Variants in DCAF12 observed in about 807,000 individuals in gnomAD.
DCAF12 encodes the protein DDB1 and CUL4 associated factor 12.
Under a neutral mutation model 52.8 loss-of-function variants are expected in DCAF12, and 28 were observed. That is an observed-to-expected ratio of 0.53 (90% confidence interval 0.39 to 0.73). The LOEUF (loss-of-function observed/expected upper bound fraction) is 0.73, where lower values mean the gene tolerates loss of function less well. Among genes scored for constraint, DCAF12 ranks in the 30% least tolerant of loss-of-function variants. DCAF12 has a pLI of 0.00. For missense variants in DCAF12, 425 were observed against 552.2 expected (o/e 0.77, Z 2.31); for synonymous variants, 196 against 215.5 (o/e 0.91, Z 0.79).
intron 2 of DCAF12, among the ~76,000 whole-genome samples, chr9:34,121,925 T>C (rs192071392): frequency 2.6e-5 from 4 of 152,162 alleles, no homozygotes; most frequent in East Asian, 3.9e-4. Flanking sequence ...CCTGGTGACA[T>C]AGCGAGACTC....
At chr9:34,115,679 T>C (rs950896198) in intron 2 of DCAF12, among the ~76,000 whole-genome samples, 2 of 151,904 alleles carry the variant, frequency 1.3e-5, no homozygotes, top group African/African-American at 4.8e-5. Context: ...ATATAGCTTG[T>C]AATACCAATT....
rs567405960 is a variant in DCAF12 at position 34,113,884 on chromosome 9, G to T, written c.334-6319C>A. ...AGCACTTTGGGAGGCCAAGGCAGGC[G>T]GATCATGAGGTTAGGAGATCGAGAC... On this transcript the variant is annotated intron_variant, in intron 2 of 8. Coordinates refer to ENST00000361264, the MANE Select transcript of DCAF12 (RefSeq NM_015397.4). Among the ~76,000 whole-genome samples the T allele has an allele frequency of 1.5e-3, 233 of 151,308 alleles. 2 individuals are homozygous for T. The highest frequency in any genetic ancestry group is 0.014 in the South Asian group (69 of 4,768).
chr9:34,089,282 C>T, intron 8 of DCAF12, 130 bp downstream of exon 8: 1 of 1,082,826 alleles, frequency 9.2e-7, no homozygotes, highest in Non-Finnish European at 1.3e-6. Flanking sequence ...GAAGTCTTTT[C>T]CTGTTCCAAT....
At chr9:34,122,817 G>C (rs115748306) in intron 2 of DCAF12, among the ~76,000 whole-genome samples, 1 of 152,144 alleles carries the variant, frequency 6.6e-6, no homozygotes, top group Non-Finnish European at 1.5e-5. Context: ...ATTCCTACAC[G>C]GCAACAGTTG....
chr9:34,094,131 G>C (rs899236876), intron 6 of DCAF12, among the ~76,000 whole-genome samples: 12 of 152,248 alleles, frequency 7.9e-5, no homozygotes, highest in African/African-American at 2.6e-4. Flanking sequence ...AAAGCTGGGC[G>C]TGGTGGCTAA....
At chr9:34,115,280 T>C (rs1419068301) in intron 2 of DCAF12, among the ~76,000 whole-genome samples, 2 of 150,882 alleles carry the variant, frequency 1.3e-5, no homozygotes, top group African/African-American at 4.9e-5. Context: ...GGACAGACAA[T>C]ATGTATCAAA....
chr9:34,119,760 G>A (rs747377395), intron 2 of DCAF12, among the ~76,000 whole-genome samples: 55 of 148,802 alleles, frequency 3.7e-4, no homozygotes, highest in Non-Finnish European at 6.7e-4. Flanking sequence ...AGAGTGCAGT[G>A]GTGTAATCCC....
chr9:34,106,208 T>C (rs1437121426), intron 4 of DCAF12, among the ~76,000 whole-genome samples: 1 of 152,106 alleles, frequency 6.6e-6, no homozygotes, highest in Non-Finnish European at 1.5e-5. Context: ...TCCTCCTGCC[T>C]CAACCTTCTG....
At chr9:34,108,985 TA>T (rs1218274225) in intron 2 of DCAF12, among the ~76,000 whole-genome samples, 3 of 8,282 alleles carry the variant, frequency 3.6e-4, no homozygotes, top group Non-Finnish European at 5.6e-4. Context: ...TATATGTTTT[TA>T]TATATATATA....
At chr9:34,125,904 G>A (rs1829242578) in intron 1 of DCAF12, among the ~76,000 whole-genome samples, 2 of 152,178 alleles carry the variant, frequency 1.3e-5, no homozygotes, top group African/African-American at 2.4e-5. Flanking sequence ...GTTTCTTTTG[G>A]GGTCCAAACG....
intron 8 of DCAF12, among the ~76,000 whole-genome samples, chr9:34,088,996 C>A (rs1412756947): frequency 6.6e-6 from 1 of 151,286 alleles, no homozygotes; most frequent in Non-Finnish European, 1.5e-5. Context: ...GTGGTCCCAG[C>A]TACTTGGGAG....
chr9:34,121,742 A>C (rs562161204), intron 2 of DCAF12, among the ~76,000 whole-genome samples: 3 of 152,258 alleles, frequency 2.0e-5, no homozygotes, highest in Admixed American at 2.0e-4. Context: ...CAGAAGATCG[A>C]GACCATCCTG....
chr9:34,125,634 C>T (rs1328463506), intron 1 of DCAF12: 5 of 475,070 alleles, frequency 1.1e-5, no homozygotes, highest in African/African-American at 4.0e-5. Context: ...ACCCAGCCCC[C>T]TTCTCCCTCT....
rs571563628 is a variant in DCAF12, at chr9:34,092,876, G to A, written c.1024+410C>T. On this transcript the variant is annotated intron_variant, in intron 7 of 8. Coordinates refer to ENST00000361264, the MANE Select transcript of DCAF12 (RefSeq NM_015397.4). Reference sequence around the variant, plus strand: ...CCCTTTTTTTTTGAGACAGAATTTCGCGCTCATTGCCCAGGCTGGAGTGCA... The same window carrying A: ...CCCTTTTTTTTTGAGACAGAATTTCACGCTCATTGCCCAGGCTGGAGTGCA... 2.4e-3 allele frequency among the ~76,000 whole-genome samples: 362 copies of A among 151,628 alleles called. 2 individuals are homozygous for A. The highest frequency in any genetic ancestry group is 1.8e-3 in the East Asian group (9 of 5,116).
intron 4 of DCAF12, among the ~76,000 whole-genome samples, chr9:34,100,142 C>G (rs1828803553): frequency 6.6e-6 from 1 of 151,834 alleles, no homozygotes; most frequent in Admixed American, 6.6e-5. Flanking sequence ...CTAAGTGATC[C>G]TCCTGCCTCA....
At chr9:34,096,659 G>C in intron 6 of DCAF12, 57 bp downstream of exon 6, 8 of 1,445,774 alleles carry the variant, frequency 5.5e-6, no homozygotes, top group Non-Finnish European at 6.7e-6. Flanking sequence ...TAGAATTACA[G>C]TATTTTAACT....
At chr9:34,097,356 A>G (rs997609168) in intron 5 of DCAF12, among the ~76,000 whole-genome samples, 10 of 139,618 alleles carry the variant, frequency 7.2e-5, no homozygotes, top group African/African-American at 2.7e-4. Flanking sequence ...TCCACCTCCT[A>G]TAGTTTTCCT....
At chr9:34,105,909 C>T (rs987567989) in intron 4 of DCAF12, among the ~76,000 whole-genome samples, 1 of 151,868 alleles carries the variant, frequency 6.6e-6, no homozygotes, top group Non-Finnish European at 1.5e-5. Context: ...CGACCACACT[C>T]AGCTAATTTT....
At chr9:34,114,653 A>G (rs1311298104) in intron 2 of DCAF12, among the ~76,000 whole-genome samples, 1 of 152,148 alleles carries the variant, frequency 6.6e-6, no homozygotes, top group Non-Finnish European at 1.5e-5. Flanking sequence ...GCCAGAAACT[A>G]GCAGCGCGGC....
Sources: gnomAD v4.1 joint callset for allele counts (sites outside exome capture counted in the v4.1 genomes callset) on GRCh38, gnomAD v4.1.1 for gene constraint, MANE v1.5 for transcripts, NCBI Gene and HGNC (gene_info 2026-07-23, HGNC 2026-07-21) for gene names.